CR1L: variants seen among roughly 807,000 people sequenced by gnomAD.
CR1L encodes complement component receptor 1-like protein.
CR1L carries 59 observed loss-of-function variants against 62.3 expected under a neutral mutation model. That is an observed-to-expected ratio of 0.95 (90% CI 0.77 to 1.18). The LOEUF is 1.18. Among genes scored for constraint, CR1L ranks in the 50% most tolerant of loss-of-function variants. The pLI is 0.00. For synonymous variants in CR1L, 279 were observed against 248.7 expected (o/e 1.12, Z -1.15); for missense variants, 700 against 702.8 (o/e 1.00, Z 0.04).
At chr1:207,651,943 A>C (rs181064055) in intron 1 of CR1L, among the ~76,000 whole-genome samples, 16 of 152,352 alleles carry the variant, frequency 1.1e-4, no homozygotes, top group African/African-American at 3.6e-4. Flanking sequence ...CTATGAAATA[A>C]AGTCTTATAT....
chr1:207,650,890 ATTC>A (rs1361359597), intron 1 of CR1L, among the ~76,000 whole-genome samples: 1 of 151,894 alleles, frequency 6.6e-6, no homozygotes, highest in African/African-American at 2.4e-5. Flanking sequence ...GGTTCAAGCA[ATTC>A]TTCTGCCTCA....
chr1:207,649,204 T>C (rs1268442829), intron 1 of CR1L, among the ~76,000 whole-genome samples: 1 of 152,098 alleles, frequency 6.6e-6, no homozygotes, highest in Non-Finnish European at 1.5e-5. Flanking sequence ...GCAGGAGTTG[T>C]AGCTACCGGC....
intron 1 of CR1L, among the ~76,000 whole-genome samples, chr1:207,660,178 C>A (rs1663387784): frequency 6.6e-6 from 1 of 152,224 alleles, no homozygotes. Flanking sequence ...GTGGTTCTCC[C>A]AGCACAGCAT....
chr1:207,689,233 T>C (rs1663958078), intron 4 of CR1L, among the ~76,000 whole-genome samples: 1 of 152,156 alleles, frequency 6.6e-6, no homozygotes, highest in Non-Finnish European at 1.5e-5. Flanking sequence ...ATTATCATGT[T>C]TCTTTTTCAC....
At chr1:207,659,912 T>G (rs1663381950) in intron 1 of CR1L, among the ~76,000 whole-genome samples, 1 of 152,216 alleles carries the variant, frequency 6.6e-6, no homozygotes, top group Non-Finnish European at 1.5e-5. Context: ...AGTGCAGCAG[T>G]GTGAGATCCA....
chr1:207,661,628 G>T (rs1376206680), intron 1 of CR1L, among the ~76,000 whole-genome samples: 1 of 152,098 alleles, frequency 6.6e-6, no homozygotes, highest in Non-Finnish European at 1.5e-5. Context: ...TTTAATTGGA[G>T]CATTTAGCCC....
chr1:207,682,972 C>CTTTCTTTCCTTT (rs1663823831), intron 3 of CR1L, among the ~76,000 whole-genome samples: 1 of 141,624 alleles, frequency 7.1e-6, no homozygotes, highest in Non-Finnish European at 1.5e-5. Flanking sequence ...TTCTTTCTTT[C>CTTTCTTTCCTTT]TTTCTTTCTT....
At chr1:207,683,154 A>C (rs1474964358) in intron 3 of CR1L, among the ~76,000 whole-genome samples, 7 of 137,728 alleles carry the variant, frequency 5.1e-5, no homozygotes, top group Admixed American at 1.6e-4. Flanking sequence ...TTTCTTTCCT[A>C]CTGACAAGGT....
chr1:207,714,704 C>T (rs777335155), intron 10 of CR1L, among the ~76,000 whole-genome samples: 4 of 152,012 alleles, frequency 2.6e-5, no homozygotes, highest in East Asian at 1.9e-4. Context: ...AATTTCAGAA[C>T]GATTTTAGAT....
At position 207,668,019 on chromosome 1, in the gene CR1L, A is replaced by G. The variant is rs372583594; in HGVS notation, c.98-9370A>G. 7.7e-4 allele frequency among the ~76,000 whole-genome samples: 117 copies of G among 151,292 alleles called. 2 individuals are homozygous for G. The South Asian group carries it at 0.023, about 30-fold the overall frequency. ...GCTCTTATCAAAAAGATAAAAGATA[A>G]CAAATGCTGCTGAGGATGTGGAAAA... is the stretch of plus-strand genomic sequence containing the variant. On this transcript the variant is annotated intron_variant, in intron 1 of 11. Coordinates refer to ENST00000508064, the MANE Select transcript of CR1L (RefSeq NM_175710.2).
intron 9 of CR1L, among the ~76,000 whole-genome samples, chr1:207,702,202 G>A (rs1391456649): frequency 6.6e-6 from 1 of 152,130 alleles, no homozygotes; most frequent in Non-Finnish European, 1.5e-5. Context: ...TCATGTCTGT[G>A]ATAGTGATCT....
At chr1:207,683,985 T>A in intron 4 of CR1L, 28 bp downstream of exon 4, 1 of 1,582,788 alleles carries the variant, frequency 6.3e-7, no homozygotes, top group South Asian at 1.1e-5. Context: ...TTCCTATTTC[T>A]TTTACCGATA....
intron 1 of CR1L, among the ~76,000 whole-genome samples, chr1:207,673,225 A>G (rs1020602269): frequency 6.6e-6 from 1 of 152,196 alleles, no homozygotes; most frequent in African/African-American, 2.4e-5. Context: ...ATGTCAACTA[A>G]TGATTGTGTT....
chr1:207,708,449 TTCTTA>T (rs1664304706), intron 10 of CR1L, among the ~76,000 whole-genome samples, 186 bp downstream of exon 10: 1 of 152,262 alleles, frequency 6.6e-6, no homozygotes, highest in Non-Finnish European at 1.5e-5. Context: ...AATGCTTTTT[TTCTTA>T]TCTTAAGGTG....
At chr1:207,710,761 C>G in intron 10 of CR1L, 1 of 1,607,048 alleles carries the variant, frequency 6.2e-7, no homozygotes, top group Non-Finnish European at 8.5e-7. Context: ...AAATGGGAGC[C>G]GGAGCTACCA....
intron 4 of CR1L, among the ~76,000 whole-genome samples, chr1:207,693,904 A>G (rs1664031527): frequency 1.3e-5 from 2 of 152,146 alleles, no homozygotes; most frequent in Non-Finnish European, 1.5e-5. Context: ...ATATTCTCAT[A>G]TTCATAAAAA....
At chr1:207,719,440 C>A (rs116110265) in intron 11 of CR1L, among the ~76,000 whole-genome samples, 1 of 151,962 alleles carries the variant, frequency 6.6e-6, no homozygotes, top group Non-Finnish European at 1.5e-5. Flanking sequence ...GTTAGATAGG[C>A]TGGACATGGT....
chr1:207,672,962 A>C (rs1447472431), intron 1 of CR1L, among the ~76,000 whole-genome samples: 1 of 152,230 alleles, frequency 6.6e-6, no homozygotes, highest in Non-Finnish European at 1.5e-5. Flanking sequence ...AGATCACTTA[A>C]TAAGACGAAC....
chr1:207,654,502 A>G (rs1213516932), intron 1 of CR1L, among the ~76,000 whole-genome samples: 2 of 152,230 alleles, frequency 1.3e-5, no homozygotes, highest in African/African-American at 4.8e-5. Context: ...TATTACACTA[A>G]GAGTCCAGAA....
Sources: allele counts gnomAD v4.1 joint callset (sites outside exome capture counted in the v4.1 genomes callset), GRCh38; gene constraint gnomAD v4.1.1; transcripts MANE v1.5; gene names NCBI Gene and HGNC (gene_info 2026-07-23, HGNC 2026-07-21).